The following CLXN variants were observed in gnomAD, a reference collection of about 807,000 sequenced individuals.
CLXN encodes EF-hand calcium binding domain 1.
the CLXN span, among the ~76,000 whole-genome samples, chr8:48,725,214 G>A: frequency 2.0e-5 from 3 of 152,320 alleles, no homozygotes; most frequent in South Asian, 6.2e-4. Flanking sequence ...TGAGAGCCAA[G>A]GGTGAGGGGG....
chr8:48,717,808 C>T, the CLXN span, among the ~76,000 whole-genome samples: 2 of 151,948 alleles, frequency 1.3e-5, no homozygotes, highest in Non-Finnish European at 2.9e-5. Flanking sequence ...AAATTGTTAT[C>T]AACTTAAAAT....
At chr8:48,720,033 C>G in the CLXN span, among the ~76,000 whole-genome samples, 1 of 152,190 alleles carries the variant, frequency 6.6e-6, no homozygotes, top group Admixed American at 6.5e-5. Context: ...TTTATCAGTT[C>G]CCAAATAATA....
At chr8:48,720,870 TTCTCTCTTTGTGCTG>T in the CLXN span, among the ~76,000 whole-genome samples, 2 of 152,180 alleles carry the variant, frequency 1.3e-5, no homozygotes, top group Admixed American at 6.5e-5. Flanking sequence ...GCTGTAAAAT[TTCTCTCTTTGTGCTG>T]TCTCTCTTTA....
the CLXN span, chr8:48,730,529 T>A: frequency 6.4e-7 from 1 of 1,573,068 alleles, no homozygotes; most frequent in Non-Finnish European, 8.7e-7. Context: ...TAGGACAACC[T>A]GCAATCTTAC....
chr8:48,722,394 G>T, the CLXN span, among the ~76,000 whole-genome samples: 1 of 152,112 alleles, frequency 6.6e-6, no homozygotes, highest in African/African-American at 2.4e-5. Flanking sequence ...TTAAAAGTGG[G>T]ACTACCATTT....
At chr8:48,726,692 C>A in the CLXN span, among the ~76,000 whole-genome samples, 1 of 146,538 alleles carries the variant, frequency 6.8e-6, no homozygotes, top group Non-Finnish European at 1.5e-5. Context: ...TCCATCCACC[C>A]ATCCATCTAC....
chr8:48,725,932 G>C, the CLXN span, among the ~76,000 whole-genome samples: 268 of 152,184 alleles, frequency 1.8e-3, 3 homozygotes, highest in Admixed American at 4.1e-3. Context: ...AATAGCTCCT[G>C]AGGAGATGGA....
the CLXN span, chr8:48,729,184 T>C: frequency 6.7e-7 from 1 of 1,491,466 alleles, no homozygotes; most frequent in Non-Finnish European, 9.2e-7. Context: ...ACACGTAAAA[T>C]GATTACTGCA....
chr8:48,731,199 A>T, the CLXN span: 1 of 762,474 alleles, frequency 1.3e-6, no homozygotes, highest in Non-Finnish European at 1.9e-6. Context: ...CTCCTTTTCT[A>T]TGATCTTCTC....
chr8:48,730,523 A>G, the CLXN span: 1 of 1,539,486 alleles, frequency 6.5e-7, no homozygotes, highest in Non-Finnish European at 9.0e-7. Flanking sequence ...AACCAATAGG[A>G]CAACCTGCAA....
chr8:48,718,842 A>G, the CLXN span, among the ~76,000 whole-genome samples: 1 of 152,120 alleles, frequency 6.6e-6, no homozygotes, highest in East Asian at 1.9e-4. Flanking sequence ...TGTCTACTTT[A>G]AAAAAGAATA....
the CLXN span, chr8:48,730,521 G>C: frequency 1.3e-6 from 2 of 1,527,490 alleles, no homozygotes; most frequent in South Asian, 1.1e-5. Context: ...CGAACCAATA[G>C]GACAACCTGC....
chr8:48,732,718 A>G, the CLXN span, among the ~76,000 whole-genome samples: 1 of 152,286 alleles, frequency 6.6e-6, no homozygotes, highest in African/African-American at 2.4e-5. Context: ...GCAAGAGTCC[A>G]TCAATGGAGG....
At chr8:48,724,882 G>A in the CLXN span, 2 of 1,155,776 alleles carry the variant, frequency 1.7e-6, no homozygotes, top group Non-Finnish European at 1.3e-6. Context: ...TCTCCTTAGT[G>A]TAGAGACAGG....
the CLXN span, chr8:48,734,807 T>C: frequency 2.5e-6 from 1 of 402,652 alleles, no homozygotes; most frequent in Non-Finnish European, 4.4e-6. Flanking sequence ...TAACATCACA[T>C]GTTTCTATCA....
the CLXN span, among the ~76,000 whole-genome samples, chr8:48,730,870 T>C: frequency 4.6e-5 from 7 of 152,146 alleles, no homozygotes; most frequent in East Asian, 1.3e-3. Context: ...CAATTCTCAA[T>C]GTCTAAGTAT....
the CLXN span, chr8:48,730,690 TCTCAGTAAAGTATCTACATTGGC>T: frequency 8.9e-7 from 1 of 1,127,442 alleles, no homozygotes; most frequent in African/African-American, 1.6e-5. Context: ...GCATAATAAC[TCTCAGTAAAGTATCTACATTGGC>T]ATCACTCACT....
At chr8:48,733,822 A>C in the CLXN span, among the ~76,000 whole-genome samples, 1 of 152,214 alleles carries the variant, frequency 6.6e-6, no homozygotes, top group African/African-American at 2.4e-5. Context: ...AGACTAAATC[A>C]AATTCAAACT....
chr8:48,720,882 G>A, the CLXN span, among the ~76,000 whole-genome samples: 6 of 152,074 alleles, frequency 3.9e-5, no homozygotes, highest in African/African-American at 1.4e-4. Context: ...CTCTCTTTGT[G>A]CTGTCTCTCT....
Sources: gnomAD v4.1 joint callset for allele counts (sites outside exome capture counted in the v4.1 genomes callset) on GRCh38, gnomAD v4.1.1 for gene constraint, MANE v1.5 for transcripts, NCBI Gene and HGNC (gene_info 2026-07-23, HGNC 2026-07-21) for gene names.